Variants in ARID5A observed in about 807,000 individuals in gnomAD.
ARID5A encodes AT-rich interactive domain-containing protein 5A.
Under a neutral mutation model 30.5 loss-of-function variants are expected in ARID5A, and 14 were observed. That is an observed-to-expected ratio of 0.46 (90% CI 0.30 to 0.72). ARID5A has a LOEUF of 0.72. ARID5A is among the 30% of genes least tolerant of loss of function. ARID5A has a pLI of 0.07. For synonymous variants in ARID5A, 338 were observed against 340.4 expected (o/e 0.99, Z 0.08); for missense variants, 669 against 786.2 (o/e 0.85, Z 1.78).
chr2:96,540,090 T>C (rs1460132265), intron 1 of ARID5A, among the ~76,000 whole-genome samples: 1 of 152,206 alleles, frequency 6.6e-6, no homozygotes, highest in Non-Finnish European at 1.5e-5. Flanking sequence ...TCTGGATGGC[T>C]GGGAAGATTC....
intron 1 of ARID5A, among the ~76,000 whole-genome samples, chr2:96,541,199 AG>A: frequency 6.7e-6 from 1 of 150,124 alleles, no homozygotes; most frequent in Admixed American, 6.6e-5. Context: ...CACCACCCCC[AG>A]CTAATTTTTG....
In ARID5A at chr2:96,549,650, G is replaced by A; in HGVS notation, c.260-103G>A. ...TCTATTGCAGTGGCCCTGGCTGGGTGTGTGCTGGTCTGTGCCTGGCCTGTC... is the reference window on the plus strand; with the variant it reads ...TCTATTGCAGTGGCCCTGGCTGGGTATGTGCTGGTCTGTGCCTGGCCTGTC... On this transcript the variant is annotated intron_variant, in intron 3 of 6. Transcript: ENST00000357485. The surrounding 1 kb of genome is among the most constrained non-coding windows in gnomAD (Gnocchi z 6.1). 2.6e-6 allele frequency: 4 copies of A among 1,561,318 alleles called. No individual in the cohort carries two copies. The highest frequency in any genetic ancestry group is 1.1e-5 in the South Asian group (1 of 89,526).
chr2:96,550,778 T>C lies in ARID5A; in HGVS notation c.570+45T>C. 6.6e-7 allele frequency: 1 copy of C among 1,505,012 alleles called. No homozygotes were observed. Among genetic ancestry groups the C allele is most frequent in the Non-Finnish European group, 8.9e-7 (1 of 1,124,204 alleles). 93.2% of individuals were successfully genotyped at this position (1,505,012 alleles called of 1,614,324 possible). ...GGGCCACCCTGTCCCTTGCCTCTTG[T>C]AGCCCCCTACCCCACAACTCCCTGT... On this transcript the variant is annotated intron_variant, in intron 6 of 6. Transcript: ENST00000357485. The surrounding 1 kb of genome is among the most constrained non-coding windows in gnomAD (Gnocchi z 6.6).
Position 96,549,571 on chromosome 2 carries a change from G to A in ARID5A, c.259+112G>A, listed in dbSNP as rs991442633. ...TGACCCAGGTTGCAGATAGAAAGGA[G>A]GCCTCCCTCCAGGCTGCCACTGGGC... On this transcript the variant is annotated intron_variant, in intron 3 of 6. Coordinates refer to ENST00000357485, the MANE Select transcript of ARID5A (RefSeq NM_212481.3). The surrounding 1 kb of genome is among the most constrained non-coding windows in gnomAD (Gnocchi z 6.1). 3.3e-6 allele frequency: 5 copies of A among 1,505,058 alleles called. No individual in the cohort carries two copies. The highest frequency in any genetic ancestry group is 1.8e-5 in the Admixed American group (1 of 54,576). 93.2% of individuals were successfully genotyped at this position (1,505,058 alleles called of 1,614,324 possible). A position where few individuals can be genotyped will look rare whatever the true frequency, so the allele number is the denominator to read the frequency against.
At chr2:96,542,691 T>C (rs1312744531) in intron 1 of ARID5A, among the ~76,000 whole-genome samples, 4 of 152,220 alleles carry the variant, frequency 2.6e-5, no homozygotes, top group Admixed American at 6.5e-5. Context: ...CTAACCACTG[T>C]ATTTTTCTGA....
Position 96,550,064 on chromosome 2 carries a change from G to T in ARID5A, c.313-124G>T. ...TAGGAGAGAGAATCGGCTGGCCGCT[G>T]CTGGAGCCGCAGAGCAGCTGCCAAA... is the stretch of plus-strand genomic sequence containing the variant. On this transcript the variant is annotated intron_variant, in intron 4 of 6. Transcript: ENST00000357485. This position sits in a 1 kb window ranked among gnomAD's most constrained non-coding sequence, Gnocchi z 6.6. The T allele has an allele frequency of 6.5e-7, 1 of 1,532,416 alleles. No homozygotes were observed. Among genetic ancestry groups the T allele is most frequent in the Non-Finnish European group, 8.7e-7 (1 of 1,145,722 alleles). 94.9% of individuals were successfully genotyped at this position (1,532,416 alleles called of 1,614,324 possible).
Position 96,550,982 on chromosome 2 carries a change from C to T in ARID5A, c.571-117C>T, listed in dbSNP as rs947347761. The T allele has an allele frequency of 7.6e-6, 10 of 1,309,110 alleles. No individual in the cohort carries two copies. The African/African-American group carries it at 1.3e-4, about 17-fold the overall frequency. The allele number at this position is 1,309,110 out of a possible 1,614,324, so 81.1% of individuals were successfully genotyped here. ...CAGGGCACCTTTGGAAAATTCTGTA[C>T]AGAGGACTGCAGGGGCTGGCGGGGG... On this transcript the variant is annotated intron_variant, in intron 6 of 6. Coordinates refer to ENST00000357485, the MANE Select transcript of ARID5A (RefSeq NM_212481.3). The surrounding 1 kb of genome is among the most constrained non-coding windows in gnomAD (Gnocchi z 6.6).
At position 96,550,770 on chromosome 2, in the gene ARID5A, G is replaced by T; in HGVS notation, c.570+37G>T. ...GCTGGCTGGGGCCACCCTGTCCCTT[G>T]CCTCTTGTAGCCCCCTACCCCACAA... On this transcript the variant is annotated intron_variant, in intron 6 of 6. Coordinates refer to ENST00000357485, the MANE Select transcript of ARID5A (RefSeq NM_212481.3). This position sits in a 1 kb window ranked among gnomAD's most constrained non-coding sequence, Gnocchi z 6.6. 2 of 1,509,636 alleles carry T rather than the reference G, an allele frequency of 1.3e-6. No homozygotes were observed. Among genetic ancestry groups the T allele is most frequent in the Non-Finnish European group, 1.8e-6 (2 of 1,126,460 alleles). The allele number at this position is 1,509,636 out of a possible 1,614,324, so 93.5% of individuals were successfully genotyped here.
chr2:96,552,014 C>T lies in ARID5A; in HGVS notation c.1486C>T (p.Pro496Ser), dbSNP rs1196007015. 1 of 1,523,678 alleles carries T rather than the reference C, an allele frequency of 6.6e-7. No individual in the cohort carries two copies. Among genetic ancestry groups the T allele is most frequent in the Non-Finnish European group, 8.8e-7 (1 of 1,136,704 alleles). The allele number at this position is 1,523,678 out of a possible 1,614,324, so 94.4% of individuals were successfully genotyped here. ...TCTGGGCCCAGCCCTGGGGCCTGTG[C>T]CCCCAGAGGCCTACAGGGGCACCAT... is the stretch of plus-strand genomic sequence containing the variant. ...CLLGPALGPV[P>S]PEAYRGTMLH... The change falls in exon 7 of 7, where the codon CCC (proline) becomes TCC (serine). Residue 496 changes from proline to serine, a missense_variant. Pro to Ser is a moderately conservative substitution (Grantham distance 74). Around this residue, in one of 4 missense-constraint regions of ARID5A, gnomAD observed 548 missense variants for 577.4 expected, o/e 0.95. Coordinates refer to ENST00000357485, the MANE Select transcript of ARID5A (RefSeq NM_212481.3).
chr2:96,536,974 C>A lies in ARID5A; in HGVS notation c.4+144C>A, dbSNP rs989463755. ...GAGGGGCCCGGGGTGGGTTTCGGGG[C>A]GCGGGCCAAGGGGAGCGAGCCCGGC... is the stretch of plus-strand genomic sequence containing the variant. On this transcript the variant is annotated intron_variant, in intron 1 of 6. Coordinates refer to ENST00000357485, the MANE Select transcript of ARID5A (RefSeq NM_212481.3). The A allele has an allele frequency of 7.3e-6, 8 of 1,094,150 alleles. No individual in the cohort carries two copies. In the African/African-American group the frequency reaches 1.1e-4, roughly 16 times the overall value. The allele number at this position is 1,094,150 out of a possible 1,614,324, so 67.8% of individuals were successfully genotyped here.
intron 1 of ARID5A, among the ~76,000 whole-genome samples, chr2:96,542,084 G>A (rs2065856212): frequency 6.6e-6 from 1 of 152,208 alleles, no homozygotes; most frequent in Admixed American, 6.5e-5. Flanking sequence ...ATGGCAGCGG[G>A]TTTCAAGCTT....
At chr2:96,547,569 A>C in intron 2 of ARID5A, 52 bp downstream of exon 2, 3 of 1,548,760 alleles carry the variant, frequency 1.9e-6, no homozygotes, top group Non-Finnish European at 2.7e-6. Flanking sequence ...TGCCACCCTC[A>C]CCTGTGCTCC....
chr2:96,546,321 G>A (rs1274567364), intron 1 of ARID5A, among the ~76,000 whole-genome samples: 1 of 152,262 alleles, frequency 6.6e-6, no homozygotes, highest in Non-Finnish European at 1.5e-5. Context: ...AGAAAAGGTT[G>A]TCAGAAGATG....
At position 96,549,339 on chromosome 2, in the gene ARID5A, G is replaced by A. The variant is rs771868349; in HGVS notation, c.139G>A (p.Gly47Arg). 1.1e-5 allele frequency: 18 copies of A among 1,613,326 alleles called. No individual in the cohort carries two copies. In the East Asian group the frequency reaches 1.6e-4, roughly 14 times the overall value. Residue 47 changes from glycine to arginine, a missense_variant, in exon 3 of 7, where the codon GGG becomes AGG. Transcript: ENST00000357485. This position sits in a 1 kb window ranked among gnomAD's most constrained non-coding sequence, Gnocchi z 6.1. ...ISLEDSPEAGGEREEEQEREE... is the reference protein window; with the variant it reads ...ISLEDSPEAGREREEEQEREE... Reference sequence around the variant, plus strand: ...TCCCCAGGACTCCCCCGAGGCAGGCGGGGAGCGGGAGGAGGAGCAGGAGCG... The same window carrying A: ...TCCCCAGGACTCCCCCGAGGCAGGCAGGGAGCGGGAGGAGGAGCAGGAGCG...
chr2:96,548,565 C>T (rs1573197505), intron 2 of ARID5A, among the ~76,000 whole-genome samples: 1 of 152,182 alleles, frequency 6.6e-6, no homozygotes, highest in East Asian at 1.9e-4. Context: ...CCACCGTGCC[C>T]AGCTGGATCA....
chr2:96,536,929 GGT>G (rs2065743057), intron 1 of ARID5A, 99 bp downstream of exon 1: 1 of 1,211,334 alleles, frequency 8.3e-7, no homozygotes, highest in Non-Finnish European at 1.0e-6. Flanking sequence ...CGTGGCAGTC[GGT>G]GCGCTGTGTG....
At position 96,551,667 on chromosome 2, in the gene ARID5A, T is replaced by A; in HGVS notation, c.1139T>A (p.Leu380Gln). 6.6e-7 allele frequency: 1 copy of A among 1,523,934 alleles called. No homozygotes were observed. The highest frequency in any genetic ancestry group is 8.8e-7 in the Non-Finnish European group (1 of 1,139,038). The allele number at this position is 1,523,934 out of a possible 1,614,324, so 94.4% of individuals were successfully genotyped here. ...TTGGGGCCTCCTGGCAAAGAGGGGCTGTCAGTGAAAGAGCCCCAGCTGGTG... is the reference window on the plus strand; with the variant it reads ...TTGGGGCCTCCTGGCAAAGAGGGGCAGTCAGTGAAAGAGCCCCAGCTGGTG... ...VLLGPPGKEG[L>Q]SVKEPQLVWG... Residue 380 changes from leucine to glutamine, a missense_variant, in exon 7 of 7, where the codon CTG becomes CAG. Transcript: ENST00000357485.
rs113371580 is a variant in ARID5A, at chr2:96,550,430, G to T, written c.411-144G>T. ...CTGCGGGAGCCCAGGCTGGCTGGGC[G>T]CACTCACTGAGGGAGCTGAAGCTTT... On this transcript the variant is annotated intron_variant, in intron 5 of 6. Coordinates refer to ENST00000357485, the MANE Select transcript of ARID5A (RefSeq NM_212481.3). This position sits in a 1 kb window ranked among gnomAD's most constrained non-coding sequence, Gnocchi z 6.6. The T allele has an allele frequency of 7.8e-6, 11 of 1,417,210 alleles. No individual in the cohort carries two copies. Among genetic ancestry groups the T allele is most frequent in the African/African-American group, 4.4e-5 (3 of 68,804 alleles). The allele number at this position is 1,417,210 out of a possible 1,614,324, so 87.8% of individuals were successfully genotyped here. A position where few individuals can be genotyped will look rare whatever the true frequency, so the allele number is the denominator to read the frequency against.
chr2:96,544,635 T>C (rs991076178), intron 1 of ARID5A, among the ~76,000 whole-genome samples: 4 of 152,242 alleles, frequency 2.6e-5, no homozygotes, highest in Admixed American at 6.5e-5. Flanking sequence ...TTATTGTTCA[T>C]TGACAAGGCA....
Sources: allele counts gnomAD v4.1 joint callset (sites outside exome capture counted in the v4.1 genomes callset), GRCh38; gene constraint gnomAD v4.1.1; regional missense constraint gnomAD v4.1.1; non-coding constraint Gnocchi (gnomAD v3.1); transcripts MANE v1.5; gene names NCBI Gene and HGNC (gene_info 2026-07-23, HGNC 2026-07-21).